Variants in HERC2 observed in about 807,000 individuals in gnomAD.
The protein encoded by HERC2 is E3 ubiquitin-protein ligase HERC2.
In HERC2, 102 loss-of-function variants were observed where a neutral mutation model predicts 537.7. That is an observed-to-expected ratio of 0.19 (90% CI 0.16 to 0.22). HERC2 has a LOEUF of 0.22. Among genes scored for constraint, HERC2 ranks in the 10% least tolerant of loss-of-function variants. HERC2 has a pLI of 1.00. For missense variants in HERC2, 4,236 were observed against 6,198.2 expected (o/e 0.68, Z 10.63); for synonymous variants, 2,224 against 2,466.2 (o/e 0.90, Z 2.91).
At chr15:28,236,841 A>G (rs1902512588) in intron 26 of HERC2, 122 bp downstream of exon 26, 2 of 673,568 alleles carry the variant, frequency 3.0e-6, no homozygotes, top group African/African-American at 1.9e-5. Flanking sequence ...ACGTGCCACA[A>G]CCTCCCAAAC....
intron 4 of HERC2, among the ~76,000 whole-genome samples, chr15:28,283,365 C>T (rs1567115444): frequency 6.6e-6 from 1 of 152,200 alleles, no homozygotes; most frequent in Admixed American, 6.6e-5. Flanking sequence ...CAGCGAATTT[C>T]TCATCAGAAA....
intron 83 of HERC2, among the ~76,000 whole-genome samples, chr15:28,128,318 C>T (rs1889728721): frequency 1.3e-5 from 2 of 152,184 alleles, no homozygotes; most frequent in Admixed American, 6.5e-5. Context: ...GGACGAGCCT[C>T]CCTGTTTGTG....
At chr15:28,140,587 T>C (rs1219473308) in intron 78 of HERC2, among the ~76,000 whole-genome samples, 1 of 151,740 alleles carries the variant, frequency 6.6e-6, no homozygotes, top group Non-Finnish European at 1.5e-5. Context: ...AGTGGTGTGA[T>C]CTCGGCTCAC....
chr15:28,227,048 G>A (rs567183965), intron 35 of HERC2, among the ~76,000 whole-genome samples: 1 of 152,354 alleles, frequency 6.6e-6, no homozygotes, highest in Admixed American at 6.5e-5. Flanking sequence ...GCCAAGGCAG[G>A]CAGATCACCT....
chr15:28,272,875 C>T lies in HERC2; in HGVS notation c.911+19G>A, dbSNP rs772120459. ...CACAGGCGCTTCCCCAAAGCGTTCC[C>T]GTCTGCGGCAGCCCTCACCTCAGCG... is the stretch of plus-strand genomic sequence containing the variant. On this transcript the variant is annotated intron_variant, in intron 8 of 92. Transcript: ENST00000261609. 1.1e-5 allele frequency: 17 copies of T among 1,565,776 alleles called. No homozygotes were observed. The highest frequency in any genetic ancestry group is 3.3e-5 in the South Asian group (3 of 89,996).
chr15:28,295,650 G>A (rs992297962), intron 3 of HERC2, among the ~76,000 whole-genome samples: 13 of 152,092 alleles, frequency 8.5e-5, no homozygotes, highest in Middle Eastern at 3.4e-3. Flanking sequence ...CGCCTGCCTC[G>A]GCCTCCAAAA....
chr15:28,233,150 C>G lies in HERC2; in HGVS notation c.4671G>C (p.Lys1557Asn). 5.0e-6 allele frequency: 8 copies of G among 1,610,756 alleles called. No individual in the cohort carries two copies. Among genetic ancestry groups the G allele is most frequent in the Non-Finnish European group, 5.1e-6 (6 of 1,178,930 alleles). ...AQKIIRERRKKRVPKKPESTD... is the reference protein window; with the variant it reads ...AQKIIRERRKNRVPKKPESTD... ...TCTGTCCTTTTACATTCTTACCTCT[C>G]TTTTTCCTTCGTTCTCGAATTATCT... is the stretch of plus-strand genomic sequence containing the variant. Residue 1557 changes from lysine (K) to asparagine (N), a missense_variant, in exon 30 of 93, where the codon AAG becomes AAC. Physicochemically the swap from Lys to Asn is moderately conservative, Grantham distance 94. This residue lies in a region of HERC2 where 343 missense variants were observed against 417.2 expected (regional missense o/e 0.82). Transcript: ENST00000261609.
Position 28,230,324 on chromosome 15 carries a change from T to C in HERC2, c.4809+43A>G, listed in dbSNP as rs2428649. ...CTGTGGATTCCTGTGCTACATGCTA[T>C]GATTCTATTCAGCCAACCTCAGAAT... On this transcript the variant is annotated intron_variant, in intron 31 of 92. Coordinates refer to ENST00000261609, the MANE Select transcript of HERC2 (RefSeq NM_004667.6). 958 of 1,573,922 alleles carry C rather than the reference T, an allele frequency of 6.1e-4. 18 individuals carry two copies. The African/African-American group carries it at 0.012, about 19-fold the overall frequency.
chr15:28,217,945 C>G (rs545100823), intron 38 of HERC2, among the ~76,000 whole-genome samples: 1 of 152,064 alleles, frequency 6.6e-6, no homozygotes, highest in African/African-American at 2.4e-5. Flanking sequence ...GACTTCTGGT[C>G]TCCAGAACTC....
At position 28,168,571 on chromosome 15, in the gene HERC2, G is replaced by C. The variant is rs758870824; in HGVS notation, c.10249C>G (p.Leu3417Val). Residue 3417 changes from leucine to valine, a missense_variant, in exon 67 of 93, where the codon CTG (leucine) becomes GTG (valine). By Grantham distance (32) the Leu-to-Val change is conservative (BLOSUM62 1). Coordinates refer to ENST00000261609, the MANE Select transcript of HERC2 (RefSeq NM_004667.6). ...MYARDAVVGA[L>V]MPAAMIAPVE... Reference sequence around the variant, plus strand: ...GGGGCGATCATGGCGGCCGGCATCAGGGCCCCGACAACAGCATCTCTGTCA... The same window carrying C: ...GGGGCGATCATGGCGGCCGGCATCACGGCCCCGACAACAGCATCTCTGTCA... The C allele has an allele frequency of 6.2e-7, 1 of 1,613,876 alleles. No homozygotes were observed. Among genetic ancestry groups the C allele is most frequent in the Non-Finnish European group, 8.5e-7 (1 of 1,179,950 alleles).
chr15:28,298,889 T>C (rs573841934), intron 3 of HERC2, among the ~76,000 whole-genome samples: 2,927 of 152,112 alleles, frequency 0.019, 90 homozygotes, highest in African/African-American at 0.067. Flanking sequence ...TCTAAAGTGG[T>C]AGCTTTATCC....
chr15:28,246,832 C>T lies in HERC2; in HGVS notation c.3301G>A (p.Gly1101Arg). ...KYTALLCTHI[G>R]DILPVAASIA... ...CTGGCGGCCACAGGCAGTATATCTCCAATGTGCGTGCACAGGAGGGCTGTG... is the reference window on the plus strand; with the variant it reads ...CTGGCGGCCACAGGCAGTATATCTCTAATGTGCGTGCACAGGAGGGCTGTG... Residue 1101 changes from glycine to arginine, a missense_variant, in exon 22 of 93, where the codon GGA becomes AGA. By Grantham distance (125) the Gly-to-Arg change is moderately radical (BLOSUM62 -2). Coordinates refer to ENST00000261609, the MANE Select transcript of HERC2 (RefSeq NM_004667.6). The T allele has an allele frequency of 6.2e-7, 1 of 1,611,866 alleles. No individual in the cohort carries two copies. The highest frequency in any genetic ancestry group is 8.5e-7 in the Non-Finnish European group (1 of 1,179,148).
intron 4 of HERC2, among the ~76,000 whole-genome samples, chr15:28,283,076 A>G (rs1396153881): frequency 2.1e-5 from 3 of 143,920 alleles, no homozygotes; most frequent in Non-Finnish European, 4.5e-5. Context: ...TTGGGGACCT[A>G]TGGGACTATA....
chr15:28,128,688 C>A (rs1889769109), intron 83 of HERC2, among the ~76,000 whole-genome samples: 1 of 152,234 alleles, frequency 6.6e-6, no homozygotes, highest in Non-Finnish European at 1.5e-5. Flanking sequence ...CATAACACAT[C>A]CCCACAGCCC....
At chr15:28,301,130 C>T (rs1274664164) in intron 2 of HERC2, among the ~76,000 whole-genome samples, 2 of 151,884 alleles carry the variant, frequency 1.3e-5, no homozygotes, top group South Asian at 4.2e-4. Context: ...TTTCCTCAAA[C>T]ATGGCCAGGT....
chr15:28,270,486 G>T (rs1386130105), intron 10 of HERC2, among the ~76,000 whole-genome samples: 1 of 152,054 alleles, frequency 6.6e-6, no homozygotes, highest in Non-Finnish European at 1.5e-5. Context: ...CGGGCCCCCA[G>T]GTTGGGTCGC....
chr15:28,179,144 G>A lies in HERC2; in HGVS notation c.9017C>T (p.Ala3006Val), dbSNP rs774155610. 4 of 1,611,162 alleles carry A rather than the reference G, an allele frequency of 2.5e-6. No individual in the cohort carries two copies. In the South Asian group the frequency reaches 4.4e-5, roughly 18 times the overall value. ...TTTTAAGATTAGAATAATCATACCT[G>A]CAAACAAACTTTTAGATCCACCAGC... Reference protein sequence around the residue: ...QVAGGSKSLFAVTVEGKVYAC... With the variant: ...QVAGGSKSLFVVTVEGKVYAC... Residue 3006 changes from alanine to valine, a missense_variant and splice_region_variant, in exon 58 of 93, where the codon GCA (alanine) becomes GTA (valine). Ala to Val is a moderately conservative substitution (Grantham distance 64). Coordinates refer to ENST00000261609, the MANE Select transcript of HERC2 (RefSeq NM_004667.6).
intron 4 of HERC2, among the ~76,000 whole-genome samples, chr15:28,286,117 A>T (rs1443673712): frequency 1.3e-5 from 2 of 152,062 alleles, no homozygotes. Context: ...ATTAACACGG[A>T]CTCAAAACAA....
chr15:28,214,360 C>T lies in HERC2; in HGVS notation c.6359-88G>A, dbSNP rs1308514702. ...ACGGCTACCCACCTCTAAGTGACGGCACTGCGCCGCTCTTCACCAGGGCAC... is the reference window on the plus strand; with the variant it reads ...ACGGCTACCCACCTCTAAGTGACGGTACTGCGCCGCTCTTCACCAGGGCAC... On this transcript the variant is annotated intron_variant, in intron 40 of 92. Coordinates refer to ENST00000261609, the MANE Select transcript of HERC2 (RefSeq NM_004667.6). The T allele has an allele frequency of 6.1e-6, 7 of 1,151,974 alleles. No homozygotes were observed. The African/African-American group carries it at 9.2e-5, about 15-fold the overall frequency. 71.4% of individuals were successfully genotyped at this position (1,151,974 alleles called of 1,614,324 possible).
Sources: allele counts gnomAD v4.1 joint callset (sites outside exome capture counted in the v4.1 genomes callset), GRCh38; gene constraint gnomAD v4.1.1; regional missense constraint gnomAD v4.1.1; transcripts MANE v1.5; gene names NCBI Gene and HGNC (gene_info 2026-07-23, HGNC 2026-07-21).